Variants in MAGI2 observed in about 807,000 individuals in gnomAD.
The protein encoded by MAGI2 is membrane associated guanylate kinase, WW and PDZ domain containing 2.
A neutral mutation model predicts 133.3 loss-of-function variants in MAGI2; 35 were observed. The ratio of observed to expected loss-of-function variants is 0.26; its 90% CI spans 0.20 to 0.35. The LOEUF (loss-of-function observed/expected upper bound fraction) is 0.35. Among genes scored for constraint, MAGI2 ranks in the 10% least tolerant of loss-of-function variants. The pLI, the probability that MAGI2 is intolerant of heterozygous loss-of-function variation, is 1.00. For synonymous variants in MAGI2, 729 were observed against 710.6 expected (o/e 1.03, Z -0.41); for missense variants, 1,636 against 1,863.4 (o/e 0.88, Z 2.25).
chr7:79,321,703 T>C (rs1005953276), intron 1 of MAGI2, among the ~76,000 whole-genome samples: 1 of 152,194 alleles, frequency 6.6e-6, no homozygotes, highest in African/African-American at 2.4e-5. Flanking sequence ...ATAAGTGTTG[T>C]TGGAGACTAG....
chr7:79,208,469 G>A (rs1829243867), intron 1 of MAGI2, among the ~76,000 whole-genome samples: 1 of 151,848 alleles, frequency 6.6e-6, no homozygotes, highest in African/African-American at 2.4e-5. Context: ...CGACACAAAT[G>A]CAAATTAAAA....
At chr7:78,281,590 C>T (rs1418870335) in intron 9 of MAGI2, among the ~76,000 whole-genome samples, 1 of 152,124 alleles carries the variant, frequency 6.6e-6, no homozygotes, top group African/African-American at 2.4e-5. Flanking sequence ...TACCCAGTCT[C>T]AGGCAGTTCT....
intron 2 of MAGI2, among the ~76,000 whole-genome samples, chr7:78,905,336 AC>A (rs1797916955): frequency 1.3e-5 from 2 of 152,120 alleles, no homozygotes; most frequent in Non-Finnish European, 2.9e-5. Flanking sequence ...TCTCACCTTG[AC>A]CCCAAGGTTA....
intron 1 of MAGI2, among the ~76,000 whole-genome samples, chr7:79,396,697 C>T (rs535915154): frequency 6.6e-6 from 1 of 152,098 alleles, no homozygotes; most frequent in African/African-American, 2.4e-5. Flanking sequence ...GAAAACTAAA[C>T]TCTCTGACAC....
intron 6 of MAGI2, among the ~76,000 whole-genome samples, chr7:78,448,350 A>G (rs961681076): frequency 2.0e-5 from 3 of 152,050 alleles, no homozygotes; most frequent in Admixed American, 6.6e-5. Flanking sequence ...AGGAACTTCC[A>G]TACTATTTTC....
intron 10 of MAGI2, among the ~76,000 whole-genome samples, chr7:78,220,325 A>C (rs1435670222): frequency 6.6e-6 from 1 of 152,134 alleles, no homozygotes; most frequent in East Asian, 1.9e-4. Flanking sequence ...AGAACTGACC[A>C]ATCTTGCCGT....
At chr7:78,483,823 A>G (rs1281684068) in intron 6 of MAGI2, among the ~76,000 whole-genome samples, 1 of 151,948 alleles carries the variant, frequency 6.6e-6, no homozygotes, top group African/African-American at 2.4e-5. Context: ...CATTTTTTAC[A>G]AACATATATG....
At chr7:79,320,028 C>T (rs1326932479) in intron 1 of MAGI2, among the ~76,000 whole-genome samples, 1 of 152,016 alleles carries the variant, frequency 6.6e-6, no homozygotes, top group Non-Finnish European at 1.5e-5. Flanking sequence ...GGTGTTTTTC[C>T]TTCTTTGTGC....
At chr7:78,258,892 T>C (rs193287803) in intron 9 of MAGI2, among the ~76,000 whole-genome samples, 1 of 152,294 alleles carries the variant, frequency 6.6e-6, no homozygotes, top group Admixed American at 6.5e-5. Flanking sequence ...AAAATAACTC[T>C]GCTATGAACC....
At chr7:79,291,207 C>T (rs570550783) in intron 1 of MAGI2, among the ~76,000 whole-genome samples, 3 of 152,032 alleles carry the variant, frequency 2.0e-5, no homozygotes, top group East Asian at 1.9e-4. Flanking sequence ...TTTAGCATAA[C>T]GTTTTCAAGT....
intron 3 of MAGI2, among the ~76,000 whole-genome samples, chr7:78,623,082 G>C (rs1212844372): frequency 6.6e-6 from 1 of 152,038 alleles, no homozygotes; most frequent in Non-Finnish European, 1.5e-5. Context: ...TAAAGTTTAA[G>C]CTGTATTTTA....
intron 1 of MAGI2, among the ~76,000 whole-genome samples, chr7:79,066,434 T>A (rs748424055): frequency 3.3e-5 from 5 of 152,084 alleles, no homozygotes; most frequent in Non-Finnish European, 5.9e-5. Context: ...TCTTGTAAAT[T>A]TGTTTAAGTT....
intron 6 of MAGI2, among the ~76,000 whole-genome samples, chr7:78,382,412 G>A (rs1156992594): frequency 1.3e-5 from 2 of 151,958 alleles, no homozygotes; most frequent in African/African-American, 4.8e-5. Flanking sequence ...GCTTACATGT[G>A]TACAAAATTG....
intron 1 of MAGI2, among the ~76,000 whole-genome samples, chr7:79,377,434 T>G (rs1843455227): frequency 1.3e-5 from 2 of 151,816 alleles, no homozygotes; most frequent in African/African-American, 4.8e-5. Context: ...GAGGACGAGA[T>G]TCATTGCCAT....
rs1371125950 is a variant in MAGI2, at chr7:79,152,452, G to C, written c.302-145246C>G. Among the ~76,000 whole-genome samples the C allele has an allele frequency of 2.0e-5, 3 of 152,284 alleles. No homozygotes were observed. In the East Asian group the frequency reaches 5.8e-4, roughly 29 times the overall value. On this transcript the variant is annotated intron_variant, in intron 1 of 21. Transcript: ENST00000354212. ...GTACAAGCTTCAATTTTAAGACCTA[G>C]CTTCGTTAAGAAAAAGTATTCTTGC...
intron 1 of MAGI2, among the ~76,000 whole-genome samples, chr7:79,264,462 G>T (rs1834301686): frequency 1.3e-5 from 2 of 152,020 alleles, no homozygotes; most frequent in Non-Finnish European, 2.9e-5. Flanking sequence ...ACCAATATTT[G>T]TTATTATCTG....
At chr7:78,657,289 C>T (rs1812405567) in intron 2 of MAGI2, among the ~76,000 whole-genome samples, 1 of 152,168 alleles carries the variant, frequency 6.6e-6, no homozygotes. Context: ...ACTAAACGTA[C>T]TCTTAGCATG....
intron 9 of MAGI2, among the ~76,000 whole-genome samples, chr7:78,343,043 A>G (rs1225613589): frequency 6.6e-6 from 1 of 152,242 alleles, no homozygotes; most frequent in African/African-American, 2.4e-5. Context: ...TTTCTAGATA[A>G]GGAAATTCAT....
chr7:79,444,819 A>T (rs1848731110), intron 1 of MAGI2, among the ~76,000 whole-genome samples: 1 of 152,228 alleles, frequency 6.6e-6, no homozygotes, highest in Non-Finnish European at 1.5e-5. Flanking sequence ...AACTACTTTA[A>T]AGTTCATATG....
Sources: gnomAD v4.1 joint callset for allele counts (sites outside exome capture counted in the v4.1 genomes callset) on GRCh38, gnomAD v4.1.1 for gene constraint, MANE v1.5 for transcripts, NCBI Gene and HGNC (gene_info 2026-07-23, HGNC 2026-07-21) for gene names.